LRCH2: variants seen among roughly 807,000 people sequenced by gnomAD.
LRCH2 encodes leucine rich repeats and calponin homology domain containing 2, also known as leucine-rich repeat and calponin homology domain-containing protein 2.
LRCH2 carries 38 observed loss-of-function variants against 68.9 expected under a neutral mutation model. That is an observed-to-expected ratio of 0.55 (90% CI 0.43 to 0.72). LRCH2 has a LOEUF of 0.72. Ranked by LOEUF, LRCH2 falls within the 30% of genes least tolerant of loss-of-function variation. The pLI, the probability that LRCH2 is intolerant of heterozygous loss-of-function variation, is 0.00. For synonymous variants in LRCH2, 191 were observed against 208.1 expected (o/e 0.92, Z 0.71); for missense variants, 528 against 572.9 (o/e 0.92, Z 0.80).
At position 115,165,653 on chromosome X, in the gene LRCH2, G is replaced by C; in HGVS notation, c.1201C>G (p.Gln401Glu). The stretch of plus-strand genomic sequence containing the variant: ...GGGTCAACAAAATCATATACCTCCT[G>C]GTCTAGGTACAGATTAATATTTATT... ...IGSKTDSQKD[Q>E]EVYDFVDPNT... Residue 401 changes from glutamine to glutamate, a missense_variant and splice_region_variant, in exon 9 of 21, where the codon CAG becomes GAG. By Grantham distance (29) the Gln-to-Glu change is conservative. Transcript: ENST00000317135. 8.8e-7 allele frequency: 1 copy of C among 1,130,552 alleles called. No individual in the cohort carries two copies. The highest frequency in any genetic ancestry group is 1.2e-6 in the Non-Finnish European group (1 of 841,233). The allele number at this position is 1,130,552 out of a possible 1,213,427, so 93.2% of individuals were successfully genotyped here.
intron 1 of LRCH2, among the ~76,000 whole-genome samples, chrX:115,232,251 G>GAA (rs367690522): frequency 2.3e-5 from 1 of 43,883 alleles, no homozygotes. Context: ...AGAACAATAA[G>GAA]AAAAAAAAAA....
intron 1 of LRCH2, among the ~76,000 whole-genome samples, chrX:115,210,322 A>G (rs1367286169): frequency 1.8e-5 from 2 of 111,326 alleles, no homozygotes; most frequent in Non-Finnish European, 3.8e-5. Context: ...CCTGTGTCCC[A>G]GCCACTCCAG....
chrX:115,131,568 G>A (rs2072245776), intron 14 of LRCH2, among the ~76,000 whole-genome samples: 1 of 111,755 alleles, frequency 8.9e-6, no homozygotes, highest in Admixed American at 9.5e-5. Flanking sequence ...ATAAACATAT[G>A]TGTACATGTG....
At chrX:115,117,709 A>G (rs1248052516) in intron 20 of LRCH2, among the ~76,000 whole-genome samples, 1 of 111,729 alleles carries the variant, frequency 9.0e-6, no homozygotes, top group Non-Finnish European at 1.9e-5. Context: ...TACATATTGT[A>G]TCATTCCATT....
In LRCH2 at chrX:115,122,906, A is replaced by G. The variant is rs1556526506; in HGVS notation, c.1963-9T>C. On this transcript the variant is annotated splice_polypyrimidine_tract_variant and intron_variant, in intron 18 of 20. Transcript: ENST00000317135. ...AACCTGGATTCAAGATTCTATAGAA[A>G]AACAGGTATAAATCAGATACTCTAT... The G allele has an allele frequency of 8.4e-7, 1 of 1,191,131 alleles. No homozygotes were observed.
chrX:115,123,455 A>G (rs901041427), intron 17 of LRCH2, among the ~76,000 whole-genome samples: 4 of 112,191 alleles, frequency 3.6e-5, no homozygotes, highest in African/African-American at 1.3e-4. Flanking sequence ...GGCCCAGGTT[A>G]AAAATGATTA....
intron 1 of LRCH2, chrX:115,190,354 AAGAGCTACGG>A (rs1556557068): frequency 1.7e-6 from 2 of 1,161,564 alleles, no homozygotes; most frequent in Non-Finnish European, 2.3e-6. Context: ...AGAGCCCCTC[AAGAGCTACGG>A]AGGCCCATGC....
In LRCH2 at chrX:115,189,905, G is replaced by A. The variant is rs373465248; in HGVS notation, c.350-1535C>T. ...CCCAGGAAGCGCGGGCCGCCACCGCGGCACTGGGCCAGCCCACCCCACAAG... is the reference window on the plus strand; with the variant it reads ...CCCAGGAAGCGCGGGCCGCCACCGCAGCACTGGGCCAGCCCACCCCACAAG... On this transcript the variant is annotated intron_variant, in intron 1 of 20. Coordinates refer to ENST00000317135, the MANE Select transcript of LRCH2 (RefSeq NM_020871.4). 2.4e-4 allele frequency: 277 copies of A among 1,159,376 alleles called. 1 individual carries two copies. The African/African-American group carries it at 4.1e-3, about 17-fold the overall frequency.
chrX:115,125,486 T>C (rs1249648574), intron 16 of LRCH2, among the ~76,000 whole-genome samples: 7 of 81 alleles, frequency 0.086, no homozygotes, highest in Non-Finnish European at 0.12. Flanking sequence ...TATATATATA[T>C]ATATATATAT....
intron 20 of LRCH2, among the ~76,000 whole-genome samples, chrX:115,121,460 T>C (rs1556526002): frequency 1.8e-5 from 2 of 111,019 alleles, no homozygotes; most frequent in Non-Finnish European, 3.8e-5. Flanking sequence ...AAGACCAGCC[T>C]GGCCAACATG....
At chrX:115,135,421 G>T (rs192851969) in intron 14 of LRCH2, among the ~76,000 whole-genome samples, 5 of 110,958 alleles carry the variant, frequency 4.5e-5, no homozygotes, top group Non-Finnish European at 7.5e-5. Context: ...GAGCTGCCAC[G>T]CCTGGCCTAG....
chrX:115,225,196 T>C (rs782704153), intron 1 of LRCH2, among the ~76,000 whole-genome samples: 1 of 111,607 alleles, frequency 9.0e-6, no homozygotes, highest in Non-Finnish European at 1.9e-5. Context: ...ATGGCTGGCT[T>C]TCAGGAAAAG....
Position 115,192,654 on chromosome X carries a change from A to G in LRCH2, c.350-4284T>C, listed in dbSNP as rs1023062760. The G allele has an allele frequency of 2.9e-5, 34 of 1,164,637 alleles. No homozygotes were observed. The African/African-American group carries it at 5.5e-4, about 19-fold the overall frequency. ...GCCGGAGCAGATACTAAGCAGGAAC[A>G]GACTTGGGCCCAAAAATTCCTTTTC... On this transcript the variant is annotated intron_variant, in intron 1 of 20. Transcript: ENST00000317135.
At chrX:115,175,235 CCT>C (rs1283866013) in intron 5 of LRCH2, among the ~76,000 whole-genome samples, 2 of 111,250 alleles carry the variant, frequency 1.8e-5, no homozygotes, top group Non-Finnish European at 3.8e-5. Flanking sequence ...ACGCCCCTCC[CCT>C]GTCTCTCACC....
intron 1 of LRCH2, among the ~76,000 whole-genome samples, chrX:115,194,963 T>TA (rs1218668303): frequency 3.6e-5 from 4 of 111,405 alleles, no homozygotes; most frequent in Non-Finnish European, 5.7e-5. Flanking sequence ...CTTGATCTCC[T>TA]AAGTGAAGTC....
Position 115,226,706 on chromosome X carries a change from G to T in LRCH2, c.349+6987C>A, listed in dbSNP as rs782322858. 2.7e-5 allele frequency among the ~76,000 whole-genome samples: 3 copies of T among 111,520 alleles called. No individual in the cohort carries two copies. The South Asian group carries it at 1.1e-3, about 43-fold the overall frequency. Reference sequence around the variant, plus strand: ...AGGCTGAGGGAAAGGGAAGAGTGGAGAATAACTCCCAAGTTTTAGATCTGG... The same window carrying T: ...AGGCTGAGGGAAAGGGAAGAGTGGATAATAACTCCCAAGTTTTAGATCTGG... On this transcript the variant is annotated intron_variant, in intron 1 of 20. Coordinates refer to ENST00000317135, the MANE Select transcript of LRCH2 (RefSeq NM_020871.4).
chrX:115,163,770 G>T lies in LRCH2; in HGVS notation c.1369C>A (p.Gln457Lys). ...TCATCCTCTTCCTCTGCCAGTAACT[G>T]TTCTTTCTCAAGTCTGAAAGGTGAC... is the stretch of plus-strand genomic sequence containing the variant. The part of the protein sequence containing the change: ...LGDEKRLEKE[Q>K]LLAEEEDDDL... The change falls in exon 11 of 21, where the codon CAG becomes AAG. Residue 457 changes from glutamine to lysine, a missense_variant. By Grantham distance (53) the Gln-to-Lys change is moderately conservative. Transcript: ENST00000317135. 8.4e-7 allele frequency: 1 copy of T among 1,188,655 alleles called. No homozygotes were observed. The highest frequency in any genetic ancestry group is 3.0e-5 in the East Asian group (1 of 33,402).
At chrX:115,220,221 T>C (rs1261554538) in intron 1 of LRCH2, among the ~76,000 whole-genome samples, 1 of 111,904 alleles carries the variant, frequency 8.9e-6, no homozygotes, top group African/African-American at 3.2e-5. Context: ...CATCTAATGA[T>C]AGAGGAATGG....
chrX:115,184,072 T>C (rs781864334), intron 3 of LRCH2, among the ~76,000 whole-genome samples: 1 of 112,445 alleles, frequency 8.9e-6, no homozygotes, highest in African/African-American at 3.2e-5. Context: ...CATAGTCCTA[T>C]AAAAGTTTTA....
Sources: allele counts gnomAD v4.1 joint callset (sites outside exome capture counted in the v4.1 genomes callset), GRCh38; gene constraint gnomAD v4.1.1; transcripts MANE v1.5; gene names NCBI Gene and HGNC (gene_info 2026-07-23, HGNC 2026-07-21).